The following CDC73 variants were observed in gnomAD, a reference collection of about 807,000 sequenced individuals.
The protein encoded by CDC73 is parafibromin.
CDC73 carries 21 observed loss-of-function variants against 83.7 expected under a neutral mutation model. The ratio of observed to expected loss-of-function variants is 0.25; its 90% CI spans 0.18 to 0.36. The LOEUF is 0.36. Among genes scored for constraint, CDC73 ranks in the 10% least tolerant of loss-of-function variants. CDC73 has a pLI of 1.00. For synonymous variants in CDC73, 224 were observed against 212.9 expected, an observed-to-expected ratio of 1.05 and a Z score of -0.45; for missense variants, 342 against 653.3, an observed-to-expected ratio of 0.52 and a Z score of 5.19.
At chr1:193,144,229 T>TA (rs1444474713) in intron 7 of CDC73, among the ~76,000 whole-genome samples, 3 of 151,946 alleles carry the variant, frequency 2.0e-5, no homozygotes, top group Admixed American at 6.6e-5. Flanking sequence ...CCTTTAAACT[T>TA]ACATAAATTA....
intron 7 of CDC73, 58 bp downstream of exon 7, chr1:193,142,124 T>A (rs1368662046): frequency 7.6e-7 from 1 of 1,323,958 alleles, no homozygotes; most frequent in Non-Finnish European, 1.1e-6. Flanking sequence ...AGAGTGCGTT[T>A]AATCTGTGGT....
intron 11 of CDC73, among the ~76,000 whole-genome samples, chr1:193,211,332 A>G (rs1252114784): frequency 2.0e-5 from 3 of 152,154 alleles, no homozygotes; most frequent in Admixed American, 6.6e-5. Context: ...AAGTAGCACG[A>G]ATTTCTTTTT....
chr1:193,191,447 G>A (rs976166909), intron 10 of CDC73, among the ~76,000 whole-genome samples: 11 of 152,154 alleles, frequency 7.2e-5, no homozygotes, highest in African/African-American at 2.4e-4. Context: ...GAGTGCAGTG[G>A]CGTGATCTTG....
rs1459024730 is a variant in CDC73 at position 193,150,394 on chromosome 1, A to G, written c.907+12A>G. The G allele has an allele frequency of 6.4e-7, 1 of 1,550,712 alleles. No individual in the cohort carries two copies. The highest frequency in any genetic ancestry group is 8.9e-7 in the Non-Finnish European group (1 of 1,122,112). ...CAAAGGAAAAGAAGGCAAGTTGCTTAATTCTTATCTTCCCCTTAGTGTGGT... is the reference window on the plus strand; with the variant it reads ...CAAAGGAAAAGAAGGCAAGTTGCTTGATTCTTATCTTCCCCTTAGTGTGGT... On this transcript the variant is annotated intron_variant, in intron 9 of 16. Transcript: ENST00000367435.
At chr1:193,221,027 G>C (rs1388098273) in intron 13 of CDC73, among the ~76,000 whole-genome samples, 1 of 152,084 alleles carries the variant, frequency 6.6e-6, no homozygotes, top group African/African-American at 2.4e-5. Flanking sequence ...GTGTCTTGCA[G>C]TCTGTCTGTA....
chr1:193,135,547 T>A lies in CDC73; in HGVS notation c.381T>A (p.Ala127=). ...CTCTTTCTTTTATAGTCAAACGAGC[T>A]GCAGATGAAGTTTTAGCAGAAGCAA... The part of the protein sequence containing the change: ...GLQRSTQVKR[A]ADEVLAEAKK... Residue 127 remains alanine (A), a synonymous_variant, in exon 5 of 17, where the codon GCT becomes GCA. Transcript: ENST00000367435. 6.2e-7 allele frequency: 1 copy of A among 1,613,718 alleles called. No homozygotes were observed. The highest frequency in any genetic ancestry group is 8.5e-7 in the Non-Finnish European group (1 of 1,179,694).
Position 193,252,136 on chromosome 1 carries a change from C to T in CDC73, c.*1424C>T, listed in dbSNP as rs1380874193. 4.3e-6 allele frequency: 1 copy of T among 230,758 alleles called. No individual in the cohort carries two copies. The highest frequency in any genetic ancestry group is 6.1e-5 in the East Asian group (1 of 16,268). The allele number at this position is 230,758 out of a possible 1,614,324, so 14.3% of individuals were successfully genotyped here. On this transcript the variant is annotated 3_prime_UTR_variant, in exon 17 of 17. Transcript: ENST00000367435. ...AGTAACTAGAAAAGATATTTATTCA[C>T]ATGATATTTACAAGGCTCTTCAGAA...
chr1:193,211,980 T>A, intron 11 of CDC73, 85 bp from the exon 12 acceptor site: 5 of 1,061,608 alleles, frequency 4.7e-6, no homozygotes, highest in Non-Finnish European at 7.1e-6. Context: ...TACACATAAT[T>A]TAAAAAATAT....
intron 10 of CDC73, among the ~76,000 whole-genome samples, chr1:193,201,190 C>T (rs1394818129): frequency 6.6e-6 from 1 of 152,000 alleles, no homozygotes; most frequent in African/African-American, 2.4e-5. Flanking sequence ...AATTAGGTAA[C>T]ATTTTTTTTC....
chr1:193,230,051 ATGT>A (rs1677633828), intron 13 of CDC73, among the ~76,000 whole-genome samples: 1 of 152,178 alleles, frequency 6.6e-6, no homozygotes, highest in Non-Finnish European at 1.5e-5. Flanking sequence ...GTCAATAAAA[ATGT>A]TGTATATTCA....
chr1:193,129,487 A>AATCTATTTATTT (rs1675651643), intron 2 of CDC73, among the ~76,000 whole-genome samples: 1 of 142,790 alleles, frequency 7.0e-6, no homozygotes, highest in Non-Finnish European at 1.5e-5. Context: ...TTCAAAAAGA[A>AATCTATTTATTT]ATTTATTTAT....
At position 193,232,922 on chromosome 1, in the gene CDC73, AATTATAGTTT is replaced by A. The variant is rs1386183278; in HGVS notation, c.1155-68_1155-59del. ...TGTCTCAAAAAAAAAAAATATTTCA[AATTATAGTTT>A]ATCTTCCCATTTTCATCACGTGGAA... On this transcript the variant is annotated intron_variant, in intron 13 of 16. Transcript: ENST00000367435. 4 of 1,364,048 alleles carry A rather than the reference AATTATAGTTT, an allele frequency of 2.9e-6. No individual in the cohort carries two copies. The East Asian group carries it at 9.4e-5, about 32-fold the overall frequency. 84.5% of individuals were successfully genotyped at this position (1,364,048 alleles called of 1,614,324 possible).
At chr1:193,153,354 C>G (rs1056502065) in intron 10 of CDC73, among the ~76,000 whole-genome samples, 1 of 152,072 alleles carries the variant, frequency 6.6e-6, no homozygotes, top group Non-Finnish European at 1.5e-5. Context: ...CTAGACCATT[C>G]TACCTTTTAT....
intron 10 of CDC73, among the ~76,000 whole-genome samples, chr1:193,165,693 A>C (rs912670624): frequency 6.6e-6 from 1 of 152,248 alleles, no homozygotes; most frequent in Non-Finnish European, 1.5e-5. Flanking sequence ...GAAAATAATT[A>C]GTCTTTTTCT....
intron 10 of CDC73, among the ~76,000 whole-genome samples, chr1:193,203,027 T>C (rs939423855): frequency 1.3e-5 from 2 of 152,134 alleles, no homozygotes; most frequent in East Asian, 1.9e-4. Context: ...TTCATAGTTA[T>C]GAAATTTACA....
chr1:193,217,541 T>C (rs533076309), intron 13 of CDC73, among the ~76,000 whole-genome samples: 151 of 152,108 alleles, frequency 9.9e-4, no homozygotes, highest in Middle Eastern at 3.4e-3. Flanking sequence ...GTTGGTGTGC[T>C]CTTGACCACC....
chr1:193,244,421 GA>G (rs899196813), intron 15 of CDC73, among the ~76,000 whole-genome samples: 4 of 152,094 alleles, frequency 2.6e-5, no homozygotes, highest in African/African-American at 9.7e-5. Context: ...TGCCTACAAA[GA>G]AAGTTAAACT....
chr1:193,152,529 T>C, intron 10 of CDC73, 85 bp downstream of exon 10: 1 of 884,268 alleles, frequency 1.1e-6, no homozygotes, highest in Non-Finnish European at 1.9e-6. Flanking sequence ...TAGTCTCTCA[T>C]ATTTTTTATT....
chr1:193,188,966 T>C (rs1169136238), intron 10 of CDC73, among the ~76,000 whole-genome samples: 2 of 152,002 alleles, frequency 1.3e-5, no homozygotes, highest in Admixed American at 1.3e-4. Context: ...TTTTTTTTTT[T>C]TTTTGGAGAC....
Sources: gnomAD v4.1 joint callset for allele counts (sites outside exome capture counted in the v4.1 genomes callset) on GRCh38, gnomAD v4.1.1 for gene constraint, MANE v1.5 for transcripts, NCBI Gene and HGNC (gene_info 2026-07-23, HGNC 2026-07-21) for gene names.